ETV7: variants seen among roughly 807,000 people sequenced by gnomAD.
The protein encoded by ETV7 is ETS variant transcription factor 7, also known as transcription factor ETV7.
In ETV7, 43 loss-of-function variants were observed where a neutral mutation model predicts 39.1. The ratio of observed to expected loss-of-function variants is 1.10; its 90% CI spans 0.86 to 1.42. The LOEUF is 1.42. ETV7 is among the 40% of genes most tolerant of loss of function. ETV7 has a pLI of 0.00. For missense variants in ETV7, 432 were observed against 442.3 expected, an observed-to-expected ratio of 0.98 and a Z score of 0.21; for synonymous variants, 196 against 176.6, an observed-to-expected ratio of 1.11 and a Z score of -0.87.
Position 36,376,005 on chromosome 6 carries a change from T to C in ETV7, c.173A>G (p.Asp58Gly). ...TGCCCAGCGCAGCCAGTGCAGCACG[T>C]CCTCCCTGCTCCACAGTGCGGGCTG... Reference protein sequence around the residue: ...RIQPALWSREDVLHWLRWAEQ... With the variant: ...RIQPALWSREGVLHWLRWAEQ... Residue 58 changes from aspartate to glycine, a missense_variant, in exon 3 of 8, where the codon GAC becomes GGC. By Grantham distance (94) the Asp-to-Gly change is moderately conservative. Coordinates refer to ENST00000340181, the MANE Select transcript of ETV7 (RefSeq NM_016135.4). 1.9e-6 allele frequency: 3 copies of C among 1,608,370 alleles called. No homozygotes were observed. Among genetic ancestry groups the C allele is most frequent in the Non-Finnish European group, 2.5e-6 (3 of 1,179,802 alleles).
chr6:36,370,312 A>G (rs1157943674), intron 5 of ETV7, among the ~76,000 whole-genome samples: 1 of 152,156 alleles, frequency 6.6e-6, no homozygotes, highest in Non-Finnish European at 1.5e-5. Context: ...AGGTGGGTGG[A>G]TCACCTGAGG....
At chr6:36,369,760 A>C (rs1326803409) in intron 5 of ETV7, among the ~76,000 whole-genome samples, 2 of 152,236 alleles carry the variant, frequency 1.3e-5, no homozygotes, top group African/African-American at 4.8e-5. Context: ...AAGTGCACGA[A>C]GAATGTTAAG....
At chr6:36,367,571 A>G (rs79525039) in intron 6 of ETV7, among the ~76,000 whole-genome samples, 2,423 of 152,330 alleles carry the variant, frequency 0.016, 55 homozygotes, top group South Asian at 0.053. Flanking sequence ...ACTTTTAAAC[A>G]GCAAATGTCA....
At chr6:36,358,347 C>T (rs1367230692) in intron 7 of ETV7, among the ~76,000 whole-genome samples, 1 of 152,246 alleles carries the variant, frequency 6.6e-6, no homozygotes, top group African/African-American at 2.4e-5. Flanking sequence ...CTGCTGCTGG[C>T]TCTAGTTCAG....
intron 2 of ETV7, among the ~76,000 whole-genome samples, chr6:36,380,279 C>T (rs1773587803): frequency 6.6e-6 from 1 of 152,184 alleles, no homozygotes; most frequent in South Asian, 2.1e-4. Context: ...TGGGACTTCA[C>T]CTGCAGATCA....
chr6:36,376,027 G>A lies in ETV7; in HGVS notation c.151C>T (p.Pro51Ser). ...ACGTCCTCCCTGCTCCACAGTGCGGGCTGGATGCCTGCAACCAGCAAGGAC... is the reference window on the plus strand; with the variant it reads ...ACGTCCTCCCTGCTCCACAGTGCGGACTGGATGCCTGCAACCAGCAAGGAC... ...CKLPGRLRIQ[P>S]ALWSREDVLH... Residue 51 changes from proline to serine, a missense_variant, in exon 3 of 8, where the codon CCC (proline) becomes TCC (serine). Coordinates refer to ENST00000340181, the MANE Select transcript of ETV7 (RefSeq NM_016135.4). The A allele has an allele frequency of 6.2e-7, 1 of 1,600,090 alleles. No homozygotes were observed. Among genetic ancestry groups the A allele is most frequent in the Non-Finnish European group, 8.5e-7 (1 of 1,175,888 alleles).
chr6:36,382,782 G>C (rs1450239735), intron 2 of ETV7, among the ~76,000 whole-genome samples: 1 of 152,190 alleles, frequency 6.6e-6, no homozygotes, highest in East Asian at 1.9e-4. Context: ...TTTACAGCTA[G>C]GAGCTTTGAA....
chr6:36,365,641 C>CT (rs1772684073), downstream of ETV7, among the ~76,000 whole-genome samples: 1 of 152,124 alleles, frequency 6.6e-6, no homozygotes, highest in Non-Finnish European at 1.5e-5. Flanking sequence ...GTGAAATGGA[C>CT]TATTCAGTGA....
At chr6:36,371,253 C>T (rs1773000911) in intron 5 of ETV7, 77 bp downstream of exon 5, 2 of 1,378,106 alleles carry the variant, frequency 1.5e-6, no homozygotes, top group Non-Finnish European at 2.0e-6. Context: ...TCAAAATAGC[C>T]CTGTCCTCAT....
intron 7 of ETV7, among the ~76,000 whole-genome samples, chr6:36,357,080 G>A (rs1772361474): frequency 6.6e-6 from 1 of 152,168 alleles, no homozygotes; most frequent in African/African-American, 2.4e-5. Context: ...GGATCCACAA[G>A]GAGAAACCTA....
rs151296041 is a variant in ETV7, at chr6:36,357,359, CAG to C, written c.909-2674_909-2673del. Reference sequence around the variant, plus strand: ...ATAAAATACCTTGGCAATCTCCGACCAGAGAGTTTCTTGACTAAAACCAACCA... The same window carrying C: ...ATAAAATACCTTGGCAATCTCCGACCAGAGTTTCTTGACTAAAACCAACCA... On this transcript the variant is annotated intron_variant, in intron 7 of 7. Transcript: ENST00000339796. Among the ~76,000 whole-genome samples, 436 of 152,278 alleles carry C rather than the reference CAG, an allele frequency of 2.9e-3. 3 individuals carry two copies. Among genetic ancestry groups the C allele is most frequent in the African/African-American group, 0.01 (416 of 41,550 alleles).
chr6:36,365,184 C>T (rs1772671953), downstream of ETV7, among the ~76,000 whole-genome samples: 1 of 152,192 alleles, frequency 6.6e-6, no homozygotes, highest in East Asian at 1.9e-4. Flanking sequence ...GAAAATACTC[C>T]CTTCTCCTTC....
downstream of ETV7, among the ~76,000 whole-genome samples, chr6:36,361,197 C>T (rs2127381987): frequency 6.6e-6 from 1 of 152,368 alleles, no homozygotes; most frequent in South Asian, 2.1e-4. Context: ...CACTCAAGTT[C>T]TGGGGCTGTC....
intron 6 of ETV7, among the ~76,000 whole-genome samples, chr6:36,367,748 G>A (rs894985200): frequency 2.0e-5 from 3 of 151,982 alleles, no homozygotes; most frequent in Admixed American, 1.3e-4. Context: ...AGAGCCTGGG[G>A]TGTGGCATCA....
In ETV7 at chr6:36,373,458, G is replaced by A. The variant is rs749784730; in HGVS notation, c.428C>T (p.Pro143Leu). 7.1e-6 allele frequency: 11 copies of A among 1,556,142 alleles called. No individual in the cohort carries two copies. The highest frequency in any genetic ancestry group is 4.1e-5 in the Admixed American group (2 of 48,700). Residue 143 changes from proline to leucine, a missense_variant, in exon 4 of 8, where the codon CCG becomes CTG. Coordinates refer to ENST00000340181, the MANE Select transcript of ETV7 (RefSeq NM_016135.4). ...KTPTQHSPVP[P>L]EEVTGPSQMD... ...ACCACAGAGAGCTTCCTCACCTTCCGGGGGGACTGGAGAGTGCTGGGTGGG... is the reference window on the plus strand; with the variant it reads ...ACCACAGAGAGCTTCCTCACCTTCCAGGGGGACTGGAGAGTGCTGGGTGGG...
chr6:36,375,957 C>T lies in ETV7; in HGVS notation c.221G>A (p.Cys74Tyr). The T allele has an allele frequency of 6.2e-7, 1 of 1,613,466 alleles. No individual in the cohort carries two copies. ...CATCTCGAACCCGTGCTCCGCGGTG[C>T]ATGGCAGAGAGTACTCCTGCTCTGC... ...RWAEQEYSLPCTAEHGFEMNG... is the reference protein window; with the variant it reads ...RWAEQEYSLPYTAEHGFEMNG... The change falls in exon 3 of 8, where the codon TGC becomes TAC. Residue 74 changes from cysteine (C) to tyrosine (Y), a missense_variant. Coordinates refer to ENST00000340181, the MANE Select transcript of ETV7 (RefSeq NM_016135.4).
intron 2 of ETV7, among the ~76,000 whole-genome samples, chr6:36,378,490 C>T (rs1476594197): frequency 6.6e-6 from 1 of 152,182 alleles, no homozygotes; most frequent in African/African-American, 2.4e-5. Flanking sequence ...CATTAATTTT[C>T]TGTGTTTGCT....
intron 7 of ETV7, among the ~76,000 whole-genome samples, chr6:36,360,134 G>A (rs1422440489): frequency 2.0e-5 from 3 of 151,950 alleles, no homozygotes; most frequent in Non-Finnish European, 4.4e-5. Flanking sequence ...CTCGTAATCC[G>A]CCCGCCTCGG....
In ETV7 at chr6:36,376,004, G is replaced by A. The variant is rs748166821; in HGVS notation, c.174C>T (p.Asp58=). The part of the protein sequence containing the change: ...RIQPALWSRE[D]VLHWLRWAEQ... ...CTGCCCAGCGCAGCCAGTGCAGCAC[G>A]TCCTCCCTGCTCCACAGTGCGGGCT... Residue 58 remains aspartate (D), a synonymous_variant, in exon 3 of 8, where the codon GAC becomes GAT. Transcript: ENST00000340181. 4.2e-5 allele frequency: 68 copies of A among 1,608,678 alleles called. No homozygotes were observed. The highest frequency in any genetic ancestry group is 5.4e-5 in the Non-Finnish European group (64 of 1,179,836).
Sources: gnomAD v4.1 joint callset for allele counts (sites outside exome capture counted in the v4.1 genomes callset) on GRCh38, gnomAD v4.1.1 for gene constraint, MANE v1.5 for transcripts, NCBI Gene and HGNC (gene_info 2026-07-23, HGNC 2026-07-21) for gene names.